The following ZNF496 variants were observed in gnomAD, a reference collection of about 807,000 sequenced individuals.
ZNF496 encodes NSD1 (nuclear receptor binding SET-domain containing 1)-interacting zinc finger protein 1.
ZNF496 carries 11 observed loss-of-function variants against 58.9 expected under a neutral mutation model. The observed-to-expected ratio is 0.19, with a 90% CI of 0.12 to 0.31. The LOEUF (loss-of-function observed/expected upper bound fraction) is 0.31. ZNF496 is among the 10% of genes least tolerant of loss of function. The pLI is 1.00. For missense variants in ZNF496, 660 were observed against 783.0 expected (o/e 0.84, Z 1.88); for synonymous variants, 338 against 318.2 (o/e 1.06, Z -0.66).
chr1:247,326,055 CACACACACATATAT>C (rs1188345156), intron 5 of ZNF496, among the ~76,000 whole-genome samples: 7 of 107,484 alleles, frequency 6.5e-5, no homozygotes, highest in East Asian at 5.7e-4. Flanking sequence ...TATATACACA[CACACACACATATAT>C]ACACACACAC....
chr1:247,306,645 G>A (rs1659422713), intron 9 of ZNF496, among the ~76,000 whole-genome samples: 1 of 151,754 alleles, frequency 6.6e-6, no homozygotes, highest in African/African-American at 2.4e-5. Context: ...GAGACTACAG[G>A]TGTCTGCCAC....
chr1:247,328,897 A>G lies in ZNF496; in HGVS notation c.391-31T>C, dbSNP rs756655663. On this transcript the variant is annotated intron_variant, in intron 4 of 9. Transcript: ENST00000682384. ...ATCCCAGAGACAGCTTTTCAGGGCTAGGGGAAGAGGTCCCATCTCTCCCTG... is the reference window on the plus strand; with the variant it reads ...ATCCCAGAGACAGCTTTTCAGGGCTGGGGGAAGAGGTCCCATCTCTCCCTG... The G allele has an allele frequency of 7.1e-6, 11 of 1,557,960 alleles. No homozygotes were observed. In the South Asian group the frequency reaches 9.8e-5, roughly 14 times the overall value.
At chr1:247,324,184 C>G (rs964842454) in intron 5 of ZNF496, among the ~76,000 whole-genome samples, 2 of 151,842 alleles carry the variant, frequency 1.3e-5, no homozygotes, top group Admixed American at 1.3e-4. Context: ...ATGAATGAAC[C>G]TGAAAGACAT....
intron 6 of ZNF496, among the ~76,000 whole-genome samples, chr1:247,320,815 C>T (rs984200081): frequency 1.3e-5 from 2 of 152,108 alleles, no homozygotes; most frequent in African/African-American, 2.4e-5. Context: ...AAATGTCCAT[C>T]GACAGATGAA....
At chr1:247,327,174 C>G (rs1407078990) in intron 5 of ZNF496, among the ~76,000 whole-genome samples, 1 of 152,180 alleles carries the variant, frequency 6.6e-6, no homozygotes, top group South Asian at 2.1e-4. Context: ...AAGTGATTCT[C>G]CTGCCTCAGC....
At chr1:247,324,832 C>A (rs987672594) in intron 5 of ZNF496, among the ~76,000 whole-genome samples, 12 of 152,280 alleles carry the variant, frequency 7.9e-5, no homozygotes, top group African/African-American at 2.9e-4. Flanking sequence ...GTCCTAAAGA[C>A]CCTCATACAA....
intron 9 of ZNF496, among the ~76,000 whole-genome samples, chr1:247,303,172 G>A (rs1449484975): frequency 6.6e-6 from 1 of 152,218 alleles, no homozygotes; most frequent in Non-Finnish European, 1.5e-5. Context: ...CTTCTAAGAG[G>A]AGGAGACTGG....
At chr1:247,331,283 C>T (rs952313217) in intron 2 of ZNF496, 149 bp downstream of exon 2, 1 of 152,464 alleles carries the variant, frequency 6.6e-6, no homozygotes, top group Admixed American at 6.5e-5. Context: ...GGAGCGAGCT[C>T]CCAGCCTTTC....
chr1:247,313,093 T>C (rs1176482985), intron 6 of ZNF496: 2 of 152,222 alleles, frequency 1.3e-5, no homozygotes, highest in African/African-American at 2.4e-5. Context: ...TCTCACATGG[T>C]GGAAGGGGCA....
At chr1:247,324,802 G>C (rs973910547) in intron 5 of ZNF496, among the ~76,000 whole-genome samples, 1 of 152,206 alleles carries the variant, frequency 6.6e-6, no homozygotes, top group African/African-American at 2.4e-5. Flanking sequence ...AGGTACTCCT[G>C]AAAGAGCATT....
chr1:247,326,481 C>G (rs1660132075), intron 5 of ZNF496, among the ~76,000 whole-genome samples: 1 of 152,192 alleles, frequency 6.6e-6, no homozygotes, highest in Non-Finnish European at 1.5e-5. Flanking sequence ...CAAGAAGCAA[C>G]TGCACAGGCT....
Position 247,309,554 on chromosome 1 carries a change from C to A in ZNF496, c.892+145G>T. The A allele has an allele frequency of 7.0e-7, 1 of 1,433,924 alleles. No homozygotes were observed. The highest frequency in any genetic ancestry group is 9.1e-7 in the Non-Finnish European group (1 of 1,095,790). The allele number at this position is 1,433,924 out of a possible 1,614,324, so 88.8% of individuals were successfully genotyped here. A position where few individuals can be genotyped will look rare whatever the true frequency, so the allele number is the denominator to read the frequency against. On this transcript the variant is annotated intron_variant, in intron 8 of 9. Transcript: ENST00000682384. The surrounding 1 kb of genome is among the most constrained non-coding windows in gnomAD (Gnocchi z 4.3). ...TTTCTATGAAAAGTCAGGGACAAGG[C>A]AAGACATGCAAGACCCACATAGAGT...
At position 247,329,327 on chromosome 1, in the gene ZNF496, C is replaced by T; in HGVS notation, c.252G>A (p.Leu84=). The part of the protein sequence containing the change: ...ERHTKEQILE[L]LVLEQFLAIL... ...TGGCCAGGAACTGCTCCAGCACCAGCAGCTCCAGAATCTGCTCCTTGGTGT... is the reference window on the plus strand; with the variant it reads ...TGGCCAGGAACTGCTCCAGCACCAGTAGCTCCAGAATCTGCTCCTTGGTGT... The change falls in exon 4 of 10, where the codon CTG becomes CTA. Residue 84 remains leucine (L), a synonymous_variant. Transcript: ENST00000682384. This position sits in a 1 kb window ranked among gnomAD's most constrained non-coding sequence, Gnocchi z 5.5. 6.2e-7 allele frequency: 1 copy of T among 1,613,698 alleles called. No individual in the cohort carries two copies.
At chr1:247,330,768 C>A (rs1660296834) in intron 2 of ZNF496, among the ~76,000 whole-genome samples, 1 of 152,250 alleles carries the variant, frequency 6.6e-6, no homozygotes, top group Non-Finnish European at 1.5e-5. Context: ...AGCGTGGCCG[C>A]GTCTTAACCT....
intron 9 of ZNF496, among the ~76,000 whole-genome samples, chr1:247,303,734 A>G (rs938627461): frequency 6.6e-6 from 1 of 152,224 alleles, no homozygotes; most frequent in African/African-American, 2.4e-5. Context: ...GAGATGAGAG[A>G]GATAAACTGA....
At chr1:247,323,650 T>A (rs1486329452) in intron 5 of ZNF496, among the ~76,000 whole-genome samples, 2 of 151,996 alleles carry the variant, frequency 1.3e-5, no homozygotes, top group African/African-American at 2.4e-5. Flanking sequence ...TGTGTGGTGG[T>A]ACATGCCTGT....
intron 6 of ZNF496, among the ~76,000 whole-genome samples, chr1:247,316,857 A>G (rs1194482005): frequency 6.6e-6 from 1 of 152,030 alleles, no homozygotes; most frequent in Non-Finnish European, 1.5e-5. Flanking sequence ...GCTGGGGAGG[A>G]GCATAAAAAC....
chr1:247,324,145 A>G (rs1009212567), intron 5 of ZNF496, among the ~76,000 whole-genome samples: 12 of 152,194 alleles, frequency 7.9e-5, no homozygotes, highest in African/African-American at 1.2e-4. Flanking sequence ...CCATAAAAAA[A>G]GAAGGAAAAT....
rs184203303 is a variant in ZNF496, at chr1:247,329,747, T to C, written c.-37-132A>G. On this transcript the variant is annotated intron_variant, in intron 3 of 9. Transcript: ENST00000682384. The surrounding 1 kb of genome is among the most constrained non-coding windows in gnomAD (Gnocchi z 5.5). ...GAGAAGCCCTGGGAAAGGTAGGGAGTGTTGGTGTGGCTGGTCTTTACACAC... is the reference window on the plus strand; with the variant it reads ...GAGAAGCCCTGGGAAAGGTAGGGAGCGTTGGTGTGGCTGGTCTTTACACAC... 1.2e-6 allele frequency: 1 copy of C among 803,796 alleles called. No homozygotes were observed. Among genetic ancestry groups the C allele is most frequent in the Admixed American group, 3.4e-5 (1 of 29,802 alleles). 49.8% of individuals were successfully genotyped at this position (803,796 alleles called of 1,614,324 possible).
Sources: gnomAD v4.1 joint callset for allele counts (sites outside exome capture counted in the v4.1 genomes callset) on GRCh38, gnomAD v4.1.1 for gene constraint, Gnocchi (gnomAD v3.1) non-coding constraint, MANE v1.5 for transcripts, NCBI Gene and HGNC (gene_info 2026-07-23, HGNC 2026-07-21) for gene names.